The following ADGRL2 variants were observed in gnomAD, a reference collection of about 807,000 sequenced individuals.
ADGRL2 encodes adhesion G protein-coupled receptor L2, also known as calcium-independent alpha-latrotoxin receptor 2.
Under a neutral mutation model 157.4 loss-of-function variants are expected in ADGRL2, and 44 were observed. The observed-to-expected ratio is 0.28, with a 90% CI of 0.22 to 0.36. The LOEUF is 0.36. Among genes scored for constraint, ADGRL2 ranks in the 10% least tolerant of loss-of-function variants. The pLI is 1.00. For synonymous variants in ADGRL2, 585 were observed against 624.7 expected (o/e 0.94, Z 0.95); for missense variants, 1,510 against 1,768.9 (o/e 0.85, Z 2.63).
At chr1:81,936,958 C>A (rs1473371079) in intron 4 of ADGRL2, 121 bp downstream of exon 4, 2 of 602,268 alleles carry the variant, frequency 3.3e-6, no homozygotes, top group Admixed American at 2.4e-5. Context: ...ATGCAGAGCA[C>A]TAACAGACTT....
intron 1 of ADGRL2, among the ~76,000 whole-genome samples, chr1:81,441,434 T>C (rs2077505287): frequency 6.6e-6 from 1 of 152,182 alleles, no homozygotes; most frequent in Non-Finnish European, 1.5e-5. Context: ...CATCCCAGAA[T>C]ACAAGGCCTC....
intron 1 of ADGRL2, among the ~76,000 whole-genome samples, chr1:81,378,177 CAAAAA>C (rs71088208): frequency 1.4e-5 from 2 of 146,240 alleles, no homozygotes; most frequent in African/African-American, 2.6e-5. Flanking sequence ...GACTCTGTCT[CAAAAA>C]AAAAAAAAAG....
chr1:81,625,148 AG>A (rs1361636074), intron 3 of ADGRL2, among the ~76,000 whole-genome samples: 2 of 152,206 alleles, frequency 1.3e-5, no homozygotes, highest in African/African-American at 4.8e-5. Flanking sequence ...GAAATGAAAA[AG>A]CTCCTTCAGT....
chr1:81,425,901 C>T (rs2101580742), intron 1 of ADGRL2, among the ~76,000 whole-genome samples: 1 of 151,978 alleles, frequency 6.6e-6, no homozygotes, highest in African/African-American at 2.4e-5. Flanking sequence ...GAAACTTGCC[C>T]TGTTGCCCAG....
At chr1:81,949,577 C>A (rs1412980266) in intron 6 of ADGRL2, among the ~76,000 whole-genome samples, 1 of 152,138 alleles carries the variant, frequency 6.6e-6, no homozygotes, top group Non-Finnish European at 1.5e-5. Context: ...GGTAACGATG[C>A]CGAAGCCTGA....
chr1:81,844,606 T>C (rs1399726113), intron 2 of ADGRL2, among the ~76,000 whole-genome samples: 1 of 152,202 alleles, frequency 6.6e-6, no homozygotes, highest in African/African-American at 2.4e-5. Context: ...GAATGACATA[T>C]GACAGCCATG....
intron 3 of ADGRL2, among the ~76,000 whole-genome samples, chr1:81,591,767 G>C (rs989360198): frequency 2.6e-5 from 4 of 152,166 alleles, no homozygotes; most frequent in Non-Finnish European, 5.9e-5. Context: ...CCCTATTGGA[G>C]TGCCCCATGT....
At chr1:81,979,848 A>C in intron 17 of ADGRL2, 21 bp from the exon 18 acceptor site, 4 of 1,416,864 alleles carry the variant, frequency 2.8e-6, no homozygotes, top group African/African-American at 1.4e-5. Context: ...TTGTGGTCTA[A>C]TTCTTTATTT....
At chr1:81,815,988 T>TA (rs200348187) in intron 1 of ADGRL2, among the ~76,000 whole-genome samples, 82 of 151,124 alleles carry the variant, frequency 5.4e-4, no homozygotes, top group African/African-American at 1.8e-3. Flanking sequence ...AGAGTATTTC[T>TA]AAAAAAAAAT....
intron 1 of ADGRL2, among the ~76,000 whole-genome samples, chr1:81,349,189 C>G (rs1052823893): frequency 6.6e-6 from 1 of 152,098 alleles, no homozygotes; most frequent in African/African-American, 2.4e-5. Flanking sequence ...GCCATTAAAC[C>G]GTGTTGGGGA....
At chr1:81,551,235 G>A (rs1308698405) in intron 2 of ADGRL2, among the ~76,000 whole-genome samples, 1 of 152,136 alleles carries the variant, frequency 6.6e-6, no homozygotes. Flanking sequence ...AAAGCCCTAA[G>A]GACAGGTTTT....
At chr1:81,782,874 A>C (rs1403312087) in intron 2 of ADGRL2, among the ~76,000 whole-genome samples, 49 of 152,318 alleles carry the variant, frequency 3.2e-4, no homozygotes, top group Admixed American at 1.0e-3. Flanking sequence ...GACTGTATCT[A>C]CCTGAGTATC....
chr1:81,330,653 G>A (rs966244458), intron 1 of ADGRL2, among the ~76,000 whole-genome samples: 3 of 151,994 alleles, frequency 2.0e-5, no homozygotes, highest in Non-Finnish European at 4.4e-5. Context: ...TTATCATCTA[G>A]GTACACAAAA....
chr1:81,571,510 T>A (rs1033634315), intron 2 of ADGRL2, among the ~76,000 whole-genome samples: 2 of 150,842 alleles, frequency 1.3e-5, no homozygotes, highest in Non-Finnish European at 3.0e-5. Context: ...ACAACTATCT[T>A]GATTTCACGT....
intron 3 of ADGRL2, among the ~76,000 whole-genome samples, chr1:81,598,607 A>G (rs1553128609): frequency 6.6e-6 from 1 of 152,188 alleles, no homozygotes; most frequent in Non-Finnish European, 1.5e-5. Context: ...ACTGGAACAA[A>G]TTTTTGTATT....
intron 2 of ADGRL2, among the ~76,000 whole-genome samples, chr1:81,484,565 C>T (rs1273678689): frequency 6.6e-6 from 1 of 152,146 alleles, no homozygotes; most frequent in African/African-American, 2.4e-5. Context: ...TTTTAGTTTC[C>T]TTCCCTAAAC....
intron 1 of ADGRL2, among the ~76,000 whole-genome samples, chr1:81,388,475 G>A (rs186426243): frequency 1.3e-5 from 2 of 152,134 alleles, no homozygotes; most frequent in East Asian, 1.9e-4. Flanking sequence ...GCTCTTCAAT[G>A]TGCCAGATTA....
chr1:81,602,118 CA>C (rs11448199), intron 3 of ADGRL2, among the ~76,000 whole-genome samples: 1 of 151,170 alleles, frequency 6.6e-6, no homozygotes, highest in Non-Finnish European at 1.5e-5. Flanking sequence ...GCTACTTAAA[CA>C]AAAAAAAATT....
At chr1:81,654,281 G>A (rs2082483740) in intron 3 of ADGRL2, among the ~76,000 whole-genome samples, 1 of 152,112 alleles carries the variant, frequency 6.6e-6, no homozygotes, top group Non-Finnish European at 1.5e-5. Context: ...TTCCATTAAT[G>A]ACATCAGCAG....
Sources: allele counts gnomAD v4.1 joint callset (sites outside exome capture counted in the v4.1 genomes callset), GRCh38; gene constraint gnomAD v4.1.1; transcripts MANE v1.5; gene names NCBI Gene and HGNC (gene_info 2026-07-23, HGNC 2026-07-21).